Variants in RAB7A observed in about 807,000 individuals in gnomAD.
RAB7A encodes RAB7A, member RAS oncogene family.
RAB7A carries 2 observed loss-of-function variants against 24.5 expected under a neutral mutation model. The observed-to-expected ratio is 0.08, with a 90% CI of 0.03 to 0.26. RAB7A has a LOEUF of 0.26. Among genes scored for constraint, RAB7A ranks in the 10% least tolerant of loss-of-function variants. The probability of loss-of-function intolerance (pLI) is 1.00; values close to 1 mark genes in which losing one functional copy is unlikely to be tolerated. For synonymous variants in RAB7A, 100 were observed against 95.9 expected, an observed-to-expected ratio of 1.04 and a Z score of -0.25; for missense variants, 118 against 255.7, an observed-to-expected ratio of 0.46 and a Z score of 3.67.
At chr3:128,790,541 T>C (rs1227740651) in intron 1 of RAB7A, among the ~76,000 whole-genome samples, 2 of 152,242 alleles carry the variant, frequency 1.3e-5, no homozygotes, top group East Asian at 3.8e-4. Context: ...ATTTTTACAT[T>C]TAAATCTTTA....
intron 1 of RAB7A, among the ~76,000 whole-genome samples, chr3:128,767,493 A>G (rs1404164877): frequency 6.6e-6 from 1 of 152,230 alleles, no homozygotes; most frequent in African/African-American, 2.4e-5. Flanking sequence ...TTAGGAGTCA[A>G]GAAGTAATGA....
rs181069549 is a variant in RAB7A, at chr3:128,780,114, G to A, written c.-8-15246G>A. ...AATTGGGGTCTGATATACATCTTAA[G>A]CAATCCTTAAATAAAAGCCTTATGA... On this transcript the variant is annotated intron_variant, in intron 1 of 5. Coordinates refer to ENST00000265062, the MANE Select transcript of RAB7A (RefSeq NM_004637.6). Among the ~76,000 whole-genome samples the A allele has an allele frequency of 4.5e-4, 69 of 152,302 alleles. No homozygotes were observed. The East Asian group carries it at 9.6e-3, about 21-fold the overall frequency.
chr3:128,743,137 G>A (rs966269770), intron 1 of RAB7A, among the ~76,000 whole-genome samples: 5 of 152,188 alleles, frequency 3.3e-5, no homozygotes, highest in East Asian at 1.9e-4. Flanking sequence ...TGGGGGACCC[G>A]GTGCCCCCTC....
chr3:128,806,526 C>A lies in RAB7A; in HGVS notation c.335C>A (p.Pro112His), dbSNP rs1398153172. The A allele has an allele frequency of 6.2e-7, 1 of 1,613,858 alleles. No individual in the cohort carries two copies. Among genetic ancestry groups the A allele is most frequent in the Non-Finnish European group, 8.5e-7 (1 of 1,179,992 alleles). The change falls in exon 4 of 6, where the codon CCC becomes CAC. Residue 112 changes from proline to histidine, a missense_variant. This residue lies in a region of RAB7A where 52 missense variants were observed against 173.5 expected (regional missense o/e 0.30). Coordinates refer to ENST00000265062, the MANE Select transcript of RAB7A (RefSeq NM_004637.6). The stretch of plus-strand genomic sequence containing the variant: ...GATGAGTTTCTCATCCAGGCCAGTC[C>A]CCGAGATCCTGAAAACTTCCCATTT... ...WRDEFLIQAS[P>H]RDPENFPFVV... is the part of the protein sequence containing the mutation.
intron 1 of RAB7A, among the ~76,000 whole-genome samples, chr3:128,777,751 A>G (rs956849177): frequency 6.6e-6 from 1 of 152,140 alleles, no homozygotes; most frequent in Admixed American, 6.5e-5. Flanking sequence ...AGTTTTTGAG[A>G]TGGAGTCTTA....
At chr3:128,761,415 ATCAT>A (rs1391091227) in intron 1 of RAB7A, among the ~76,000 whole-genome samples, 1 of 152,196 alleles carries the variant, frequency 6.6e-6, no homozygotes, top group Non-Finnish European at 1.5e-5. Flanking sequence ...TTCTTATGAC[ATCAT>A]ACATTTATTG....
chr3:128,746,903 G>A (rs1208090841), intron 1 of RAB7A, among the ~76,000 whole-genome samples: 1 of 151,642 alleles, frequency 6.6e-6, no homozygotes, highest in Non-Finnish European at 1.5e-5. Context: ...ATAGATATAT[G>A]TTAGTTAGCT....
chr3:128,726,720 A>G (rs1000367606), intron 1 of RAB7A, among the ~76,000 whole-genome samples: 3 of 152,030 alleles, frequency 2.0e-5, no homozygotes, highest in African/African-American at 7.2e-5. Flanking sequence ...GGCGAGCAGG[A>G]GGGTGTCAGA....
chr3:128,759,460 G>A (rs1003329077), intron 1 of RAB7A, among the ~76,000 whole-genome samples: 25 of 152,220 alleles, frequency 1.6e-4, no homozygotes, highest in African/African-American at 4.3e-4. Context: ...GCAGGTGGAC[G>A]TCTATTCTGC....
intron 1 of RAB7A, among the ~76,000 whole-genome samples, chr3:128,745,586 G>A (rs1474706084): frequency 4.6e-5 from 7 of 151,918 alleles, no homozygotes; most frequent in African/African-American, 4.8e-5. Flanking sequence ...GGCTGGTCTC[G>A]AATTCCTGAC....
intron 1 of RAB7A, among the ~76,000 whole-genome samples, chr3:128,778,556 C>T (rs183373329): frequency 3.9e-5 from 6 of 152,300 alleles, no homozygotes; most frequent in Admixed American, 2.6e-4. Flanking sequence ...TCACTAAAGG[C>T]TAATCATACT....
intron 1 of RAB7A, among the ~76,000 whole-genome samples, chr3:128,783,846 A>G (rs553938994): frequency 5.9e-5 from 9 of 152,372 alleles, no homozygotes; most frequent in African/African-American, 1.9e-4. Flanking sequence ...TATTTTTAAC[A>G]TGCTGAACAC....
intron 1 of RAB7A, among the ~76,000 whole-genome samples, chr3:128,727,175 C>G (rs2070388596): frequency 1.3e-5 from 2 of 152,162 alleles, no homozygotes; most frequent in Non-Finnish European, 1.5e-5. Context: ...GTGGCAAGAC[C>G]TTTTAACAGA....
chr3:128,737,899 C>G (rs1390841007), intron 1 of RAB7A, among the ~76,000 whole-genome samples: 2 of 128,020 alleles, frequency 1.6e-5, no homozygotes, highest in Admixed American at 9.2e-5. Flanking sequence ...TTGTCTCAAA[C>G]TCTAGGCCTC....
At chr3:128,789,544 G>A (rs1933410481) in intron 1 of RAB7A, among the ~76,000 whole-genome samples, 1 of 151,908 alleles carries the variant, frequency 6.6e-6, no homozygotes, top group Non-Finnish European at 1.5e-5. Flanking sequence ...TGTTGGCCAG[G>A]CTGGTCTCGA....
chr3:128,755,975 CT>C (rs2070726212), intron 1 of RAB7A, among the ~76,000 whole-genome samples: 1 of 152,096 alleles, frequency 6.6e-6, no homozygotes, highest in Non-Finnish European at 1.5e-5. Flanking sequence ...ACATAAAACC[CT>C]TTTGGATCTG....
intron 1 of RAB7A, among the ~76,000 whole-genome samples, chr3:128,743,572 T>G (rs1289920361): frequency 3.9e-5 from 6 of 152,152 alleles, no homozygotes; most frequent in Non-Finnish European, 8.8e-5. Context: ...CCAAAGACAT[T>G]AGAGCAACTG....
intron 1 of RAB7A, among the ~76,000 whole-genome samples, chr3:128,793,261 T>G (rs1328616324): frequency 6.6e-6 from 1 of 152,118 alleles, no homozygotes; most frequent in Non-Finnish European, 1.5e-5. Flanking sequence ...GATCTCATGA[T>G]CCGCCCGCCT....
intron 1 of RAB7A, among the ~76,000 whole-genome samples, chr3:128,787,662 C>G (rs978786495): frequency 1.3e-5 from 2 of 152,186 alleles, no homozygotes; most frequent in Non-Finnish European, 2.9e-5. Context: ...CAATCGTGGT[C>G]TGAAAATATT....
Sources: gnomAD v4.1 joint callset for allele counts (sites outside exome capture counted in the v4.1 genomes callset) on GRCh38, gnomAD v4.1.1 for gene constraint, gnomAD v4.1.1 regional missense constraint, MANE v1.5 for transcripts, NCBI Gene and HGNC (gene_info 2026-07-23, HGNC 2026-07-21) for gene names.